ZCCHC2: variants seen among roughly 807,000 people sequenced by gnomAD.
ZCCHC2 encodes the protein zinc finger CCHC-type containing 2.
Under a neutral mutation model 103.6 loss-of-function variants are expected in ZCCHC2, and 39 were observed. That is an observed-to-expected ratio of 0.38 (90% CI 0.29 to 0.49). The LOEUF (loss-of-function observed/expected upper bound fraction) is 0.49. ZCCHC2 is among the 20% of genes least tolerant of loss of function. ZCCHC2 has a pLI of 0.96. For synonymous variants in ZCCHC2, 687 were observed against 608.9 expected, an observed-to-expected ratio of 1.13 and a Z score of -1.89; for missense variants, 1,483 against 1,491.0, an observed-to-expected ratio of 0.99 and a Z score of 0.09.
chr18:62,538,480 T>C (rs1002842231), intron 1 of ZCCHC2, among the ~76,000 whole-genome samples: 1 of 152,208 alleles, frequency 6.6e-6, no homozygotes, highest in Non-Finnish European at 1.5e-5. Flanking sequence ...TGTATGGTTT[T>C]GTTATTAAAA....
At chr18:62,546,383 C>T (rs1444431347) in intron 4 of ZCCHC2, among the ~76,000 whole-genome samples, 1 of 152,220 alleles carries the variant, frequency 6.6e-6, no homozygotes, top group Admixed American at 6.5e-5. Context: ...CCGCCACACA[C>T]TTTTACAAGC....
At position 62,576,635 on chromosome 18, in the gene ZCCHC2, G is replaced by C. The variant is rs1916855497; in HGVS notation, c.*56G>C. 6.5e-7 allele frequency: 1 copy of C among 1,527,410 alleles called. No individual in the cohort carries two copies. The highest frequency in any genetic ancestry group is 1.2e-5 in the South Asian group (1 of 86,834). 94.6% of individuals were successfully genotyped at this position (1,527,410 alleles called of 1,614,324 possible). A position where few individuals can be genotyped will look rare whatever the true frequency, so the allele number is the denominator to read the frequency against. On this transcript the variant is annotated 3_prime_UTR_variant, in exon 14 of 14. Transcript: ENST00000269499. The stretch of plus-strand genomic sequence containing the variant: ...CAAGTGTGGGGAGTCATGGGGTGTG[G>C]AGGGGAGGAAAGGAAAGGTATTTTG...
chr18:62,523,550 C>CG lies in ZCCHC2; in HGVS notation c.126_127insG (p.Pro43AlafsTer278). The CG allele has an allele frequency of 1.1e-6, 1 of 892,756 alleles. No individual in the cohort carries two copies. The highest frequency in any genetic ancestry group is 5.7e-4 in the Middle Eastern group (1 of 1,746). The allele number at this position is 892,756 out of a possible 1,614,324, so 55.3% of individuals were successfully genotyped here. A position where few individuals can be genotyped will look rare whatever the true frequency, so the allele number is the denominator to read the frequency against. ...CTTCGCGCCGCCGCCGCGACTGCCG[C>CG]CCCCCGCCGCCGCCGCCGCCGCCCG... On this transcript the variant is annotated frameshift_variant, in exon 1 of 14. Transcript: ENST00000269499. LOFTEE classifies it high-confidence loss of function.
chr18:62,529,872 T>C (rs1025834545), intron 1 of ZCCHC2, among the ~76,000 whole-genome samples: 1 of 152,216 alleles, frequency 6.6e-6, no homozygotes, highest in Non-Finnish European at 1.5e-5. Flanking sequence ...TCAAAAATAT[T>C]AGGGAAAAAT....
chr18:62,555,683 C>G (rs1170820411), intron 5 of ZCCHC2, among the ~76,000 whole-genome samples: 2 of 152,162 alleles, frequency 1.3e-5, no homozygotes, highest in African/African-American at 2.4e-5. Flanking sequence ...TGGCACATGC[C>G]TGTAATCCCA....
Position 62,585,560 on chromosome 18 carries a change from T to C in ZCCHC2, c.*1188T>C, listed in dbSNP as rs1340842725. On this transcript the variant is annotated 3_prime_UTR_variant and NMD_transcript_variant, in exon 15 of 15. Coordinates refer to the ZCCHC2 transcript ENST00000585873. ...CCTATTGGAGTCACGTCATATTTGTTACATGGTAACTTAATTGTGCCTTCC... is the reference window on the plus strand; with the variant it reads ...CCTATTGGAGTCACGTCATATTTGTCACATGGTAACTTAATTGTGCCTTCC... The C allele has an allele frequency of 8.3e-5, 12 of 145,356 alleles. No individual in the cohort carries two copies. The Admixed American group carries it at 8.4e-4, about 10-fold the overall frequency. The allele number at this position is 145,356 out of a possible 1,614,324, so 9.0% of individuals were successfully genotyped here.
chr18:62,546,310 G>A (rs919524053), intron 4 of ZCCHC2, among the ~76,000 whole-genome samples: 2 of 152,190 alleles, frequency 1.3e-5, no homozygotes, highest in Admixed American at 1.3e-4. Context: ...CCCCATTGGA[G>A]AAAATGAGTG....
intron 11 of ZCCHC2, among the ~76,000 whole-genome samples, chr18:62,569,442 C>T (rs990549045): frequency 2.6e-5 from 4 of 151,968 alleles, no homozygotes; most frequent in Admixed American, 6.6e-5. Flanking sequence ...GGCAGAATTA[C>T]GCTAGCTACT....
In ZCCHC2 at chr18:62,564,618, A is replaced by G. The variant is rs12956093; in HGVS notation, c.1734A>G (p.Gly578=). The G allele has an allele frequency of 0.2, 305,163 of 1,536,820 alleles. 34,234 individuals carry two copies. The highest frequency in any genetic ancestry group is 0.23 in the Non-Finnish European group (262,313 of 1,136,464). The change falls in exon 10 of 14, where the codon GGA becomes GGG. Residue 578 remains glycine, a synonymous_variant. Transcript: ENST00000269499. The part of the protein sequence containing the change: ...RSLSSINKKK[G]KPQTEKEKIK... ...TATCTTCAATAAATAAGAAGAAAGGAAAGCCACAAACAGAAAAGTAGGTTC... is the reference window on the plus strand; with the variant it reads ...TATCTTCAATAAATAAGAAGAAAGGGAAGCCACAAACAGAAAAGTAGGTTC...
At position 62,524,037 on chromosome 18, in the gene ZCCHC2, C is replaced by A; in HGVS notation, c.613C>A (p.Leu205Met). ...LPQVDSVLKS[L>M]RAARGEGSRG... is the part of the protein sequence containing the mutation. ...CCAGGTGGACTCGGTGCTCAAAAGC[C>A]TGCGCGCGGCCCGGGGCGAGGGCTC... The change falls in exon 1 of 14, where the codon CTG (leucine) becomes ATG (methionine). Residue 205 changes from leucine (L) to methionine (M), a missense_variant. Around this residue, in one of 3 missense-constraint regions of ZCCHC2, gnomAD observed 568 missense variants for 525.1 expected, o/e 1.08. Transcript: ENST00000269499. 6.8e-7 allele frequency: 1 copy of A among 1,466,830 alleles called. No individual in the cohort carries two copies. The highest frequency in any genetic ancestry group is 1.4e-5 in the South Asian group (1 of 72,222). The allele number at this position is 1,466,830 out of a possible 1,614,324, so 90.9% of individuals were successfully genotyped here.
At chr18:62,549,230 AAAG>A (rs1020828188) in intron 4 of ZCCHC2, among the ~76,000 whole-genome samples, 8 of 152,186 alleles carry the variant, frequency 5.3e-5, no homozygotes, top group African/African-American at 7.2e-5. Flanking sequence ...AAAAAAAAAA[AAAG>A]AAGGGTAGAT....
chr18:62,549,036 G>A (rs1056092196), intron 4 of ZCCHC2, among the ~76,000 whole-genome samples: 12 of 152,038 alleles, frequency 7.9e-5, no homozygotes, highest in Admixed American at 3.3e-4. Context: ...TGACTAACAC[G>A]GTGAAACCCT....
intron 9 of ZCCHC2, among the ~76,000 whole-genome samples, chr18:62,563,686 T>G (rs773646024): frequency 6.6e-6 from 1 of 152,134 alleles, no homozygotes; most frequent in Non-Finnish European, 1.5e-5. Flanking sequence ...AAAATAAAAA[T>G]TTTAAAAATA....
chr18:62,575,147 G>T lies in ZCCHC2; in HGVS notation c.3066G>T (p.Gly1022=), dbSNP rs549652361. Residue 1022 remains glycine, a synonymous_variant, in exon 13 of 14, where the codon GGG becomes GGT. Transcript: ENST00000269499. ...CGSCGRRCSC[G]TNGNLQLNSY... is the part of the protein sequence containing the mutation. The stretch of plus-strand genomic sequence containing the variant: ...CTTGTGGGCGAAGGTGCAGCTGTGG[G>T]ACCAATGGAAACCTTCAGCTAAATA... 1.9e-6 allele frequency: 3 copies of T among 1,614,010 alleles called. No individual in the cohort carries two copies. Among genetic ancestry groups the T allele is most frequent in the Non-Finnish European group, 2.5e-6 (3 of 1,179,904 alleles).
chr18:62,556,483 T>C (rs1276210377), intron 6 of ZCCHC2, among the ~76,000 whole-genome samples, 186 bp downstream of exon 6: 1 of 152,224 alleles, frequency 6.6e-6, no homozygotes. Context: ...AAAGCTAATA[T>C]AACAGAGCAG....
downstream of ZCCHC2, among the ~76,000 whole-genome samples, chr18:62,579,391 G>A (rs552317914): frequency 2.6e-5 from 4 of 152,020 alleles, no homozygotes; most frequent in East Asian, 1.9e-4. Context: ...TATAAGAGAC[G>A]GTTGGGGGCC....
rs1283279044 is a variant in ZCCHC2, at chr18:62,523,984, C to G, written c.560C>G (p.Ala187Gly). The G allele has an allele frequency of 1.3e-6, 2 of 1,492,398 alleles. No homozygotes were observed. Among genetic ancestry groups the G allele is most frequent in the Non-Finnish European group, 1.8e-6 (2 of 1,126,112 alleles). The allele number at this position is 1,492,398 out of a possible 1,614,324, so 92.4% of individuals were successfully genotyped here. A position where few individuals can be genotyped will look rare whatever the true frequency, so the allele number is the denominator to read the frequency against. ...LALLGSENRE[A>G]AGRLHRLLPQ... is the part of the protein sequence containing the mutation. ...CTGCTGGGCTCGGAGAACCGGGAGG[C>G]CGCTGGCCGTCTGCACCGCCTGCTA... The change falls in exon 1 of 14, where the codon GCC becomes GGC. Residue 187 changes from alanine (A) to glycine (G), a missense_variant. Ala to Gly is a moderately conservative substitution (Grantham distance 60). Coordinates refer to ENST00000269499, the MANE Select transcript of ZCCHC2 (RefSeq NM_017742.6).
intron 4 of ZCCHC2, among the ~76,000 whole-genome samples, chr18:62,549,190 G>A (rs1451282961): frequency 6.6e-6 from 1 of 152,014 alleles, no homozygotes; most frequent in Non-Finnish European, 1.5e-5. Context: ...CTGCGCTCCA[G>A]CCTGGGCAAC....
chr18:62,557,555 T>C (rs571312800), intron 6 of ZCCHC2, among the ~76,000 whole-genome samples: 3 of 152,356 alleles, frequency 2.0e-5, no homozygotes, highest in Admixed American at 1.3e-4. Flanking sequence ...AATGTACAAC[T>C]TCATGATTAA....
Sources: allele counts gnomAD v4.1 joint callset (sites outside exome capture counted in the v4.1 genomes callset), GRCh38; gene constraint gnomAD v4.1.1; regional missense constraint gnomAD v4.1.1; transcripts MANE v1.5; gene names NCBI Gene and HGNC (gene_info 2026-07-23, HGNC 2026-07-21).